Variants in SH3RF1 observed in about 807,000 individuals in gnomAD.
SH3RF1 encodes SH3 domain containing ring finger 1, also known as E3 ubiquitin-protein ligase SH3RF1.
In SH3RF1, 32 loss-of-function variants were observed where a neutral mutation model predicts 74.0. That is an observed-to-expected ratio of 0.43 (90% CI 0.33 to 0.58). The LOEUF (loss-of-function observed/expected upper bound fraction) is 0.58. SH3RF1 is among the 20% of genes least tolerant of loss of function. SH3RF1 has a pLI of 0.05. For synonymous variants in SH3RF1, 396 were observed against 439.6 expected (o/e 0.90, Z 1.24); for missense variants, 954 against 1,130.9 (o/e 0.84, Z 2.24).
intron 2 of SH3RF1, among the ~76,000 whole-genome samples, chr4:169,186,411 T>C (rs1398758680): frequency 6.6e-6 from 1 of 152,058 alleles, no homozygotes; most frequent in Non-Finnish European, 1.5e-5. Context: ...ACTGGTATTA[T>C]TTCTCAGAGA....
chr4:169,127,233 A>T (rs1733543122), intron 6 of SH3RF1, among the ~76,000 whole-genome samples: 1 of 152,240 alleles, frequency 6.6e-6, no homozygotes, highest in African/African-American at 2.4e-5. Flanking sequence ...CAATGTTTAT[A>T]ACTTCGTTCT....
At chr4:169,212,403 C>A (rs1195993611) in intron 2 of SH3RF1, among the ~76,000 whole-genome samples, 1 of 152,086 alleles carries the variant, frequency 6.6e-6, no homozygotes, top group Non-Finnish European at 1.5e-5. Context: ...AATATTTAAT[C>A]AATTACAAAG....
In SH3RF1 at chr4:169,130,090, A is replaced by C; in HGVS notation, c.1135T>G (p.Ser379Ala). ...GGAACATCTGATGGGAAAGTAAACG[A>C]GGGGCCAGTTGTCACTGGGCTGCTT... ...PPSSPVTTGP[S>A]FTFPSDVPYQ... is the part of the protein sequence containing the mutation. The change falls in exon 6 of 12, where the codon TCG becomes GCG. Residue 379 changes from serine to alanine, a missense_variant. By Grantham distance (99) the Ser-to-Ala change is moderately conservative (BLOSUM62 1). Transcript: ENST00000284637. The C allele has an allele frequency of 6.2e-7, 1 of 1,613,560 alleles. No individual in the cohort carries two copies.
chr4:169,231,390 A>G (rs1382535890), intron 2 of SH3RF1, among the ~76,000 whole-genome samples: 1 of 152,042 alleles, frequency 6.6e-6, no homozygotes, highest in Admixed American at 6.6e-5. Flanking sequence ...ATATGGTGAA[A>G]CCCAGTCTCT....
chr4:169,112,636 C>T (rs1204120836), intron 10 of SH3RF1, among the ~76,000 whole-genome samples: 1 of 152,080 alleles, frequency 6.6e-6, no homozygotes, highest in Non-Finnish European at 1.5e-5. Flanking sequence ...AGGGAGCAGC[C>T]TAATGGCTCA....
chr4:169,106,585 T>C (rs149707336), intron 11 of SH3RF1, among the ~76,000 whole-genome samples: 1 of 151,312 alleles, frequency 6.6e-6, no homozygotes, highest in Non-Finnish European at 1.5e-5. Context: ...AGTTTTTACC[T>C]GGACACAATT....
At chr4:169,169,862 G>A (rs766525960) in intron 2 of SH3RF1, among the ~76,000 whole-genome samples, 1 of 151,974 alleles carries the variant, frequency 6.6e-6, no homozygotes, top group Non-Finnish European at 1.5e-5. Context: ...TGAATAGCTC[G>A]GTCCATTGGA....
At chr4:169,111,716 A>G (rs781653723) in intron 10 of SH3RF1, among the ~76,000 whole-genome samples, 4 of 152,246 alleles carry the variant, frequency 2.6e-5, no homozygotes, top group African/African-American at 4.8e-5. Context: ...GTCCAGATAA[A>G]GTTGTTATAC....
At chr4:169,229,558 C>G (rs1015638520) in intron 2 of SH3RF1, among the ~76,000 whole-genome samples, 1 of 151,910 alleles carries the variant, frequency 6.6e-6, no homozygotes, top group Admixed American at 6.6e-5. Context: ...ACAATGCATA[C>G]TAAGTGTTAA....
intron 5 of SH3RF1, among the ~76,000 whole-genome samples, chr4:169,131,489 T>C (rs997099348): frequency 1.3e-5 from 2 of 152,206 alleles, no homozygotes; most frequent in African/African-American, 2.4e-5. Context: ...TTTTCTATTT[T>C]TCCTGTGAAC....
At chr4:169,155,729 T>A (rs1447285998) in intron 3 of SH3RF1, among the ~76,000 whole-genome samples, 154 bp from the exon 4 acceptor site, 1 of 152,236 alleles carries the variant, frequency 6.6e-6, no homozygotes, top group East Asian at 1.9e-4. Flanking sequence ...TTAAATGTTT[T>A]CATGAATTAA....
In SH3RF1 at chr4:169,122,121, C is replaced by T. The variant is rs751242917; in HGVS notation, c.1325G>A (p.Arg442Gln). Residue 442 changes from arginine to glutamine, a missense_variant, in exon 7 of 12, where the codon CGG (arginine) becomes CAG (glutamine). Physicochemically the swap from Arg to Gln is conservative, Grantham distance 43 (BLOSUM62 1). This residue lies in a region of SH3RF1 where 854 missense variants were observed against 962.5 expected (regional missense o/e 0.89). Coordinates refer to ENST00000284637, the MANE Select transcript of SH3RF1 (RefSeq NM_020870.4). Reference protein sequence around the residue: ...AGSTDQIAHLRPQTRPSVYVA... With the variant: ...AGSTDQIAHLQPQTRPSVYVA... Reference sequence around the variant, plus strand: ...TTACACACTGGGGCGAGTCTGCGGCCGTAAATGTGCAATCTGGTCAGTGGA... The same window carrying T: ...TTACACACTGGGGCGAGTCTGCGGCTGTAAATGTGCAATCTGGTCAGTGGA... 4.5e-5 allele frequency: 72 copies of T among 1,612,580 alleles called. No homozygotes were observed. Among genetic ancestry groups the T allele is most frequent in the East Asian group, 6.7e-5 (3 of 44,890 alleles).
At chr4:169,105,280 T>C (rs1208741256) in intron 11 of SH3RF1, among the ~76,000 whole-genome samples, 1 of 152,210 alleles carries the variant, frequency 6.6e-6, no homozygotes, top group African/African-American at 2.4e-5. Flanking sequence ...TATATATTTA[T>C]ATAAGATATA....
Position 169,146,032 on chromosome 4 carries a change from T to G in SH3RF1, c.766-9412A>C, listed in dbSNP as rs539305756. ...TATATTCTATATAAAATATTACATA[T>G]TCTATATATTCTATATAAAATATTA... On this transcript the variant is annotated intron_variant, in intron 4 of 11. Transcript: ENST00000284637. 1.8e-3 allele frequency among the ~76,000 whole-genome samples: 244 copies of G among 136,020 alleles called. 27 individuals carry two copies. The East Asian group carries it at 0.037, about 20-fold the overall frequency. 89.2% of individuals were successfully genotyped at this position (136,020 alleles called of 152,430 possible). A position where few individuals can be genotyped will look rare whatever the true frequency, so the allele number is the denominator to read the frequency against.
Position 169,122,132 on chromosome 4 carries a change from A to T in SH3RF1, c.1314T>A (p.Ile438=), listed in dbSNP as rs1487967455. 2 of 1,613,016 alleles carry T rather than the reference A, an allele frequency of 1.2e-6. No homozygotes were observed. Among genetic ancestry groups the T allele is most frequent in the East Asian group, 4.5e-5 (2 of 44,884 alleles). ...PRPMAGSTDQ[I]AHLRPQTRPS... ...GGCGAGTCTGCGGCCGTAAATGTGCAATCTGGTCAGTGGATCCTGCCATGG... is the reference window on the plus strand; with the variant it reads ...GGCGAGTCTGCGGCCGTAAATGTGCTATCTGGTCAGTGGATCCTGCCATGG... Residue 438 remains isoleucine (I), a synonymous_variant, in exon 7 of 12, where the codon ATT becomes ATA. Transcript: ENST00000284637.
At chr4:169,255,769 T>C (rs1227726540) in intron 2 of SH3RF1, among the ~76,000 whole-genome samples, 1 of 148,274 alleles carries the variant, frequency 6.7e-6, no homozygotes, top group Non-Finnish European at 1.5e-5. Context: ...TAACATTACT[T>C]TTTTTTTTTC....
chr4:169,159,237 T>C (rs990132845), intron 2 of SH3RF1, among the ~76,000 whole-genome samples: 1 of 152,172 alleles, frequency 6.6e-6, no homozygotes, highest in African/African-American at 2.4e-5. Flanking sequence ...GAAAGAAGAA[T>C]TCTAATTTTT....
chr4:169,109,098 C>T (rs1367515024), intron 10 of SH3RF1, among the ~76,000 whole-genome samples: 1 of 152,200 alleles, frequency 6.6e-6, no homozygotes, highest in Non-Finnish European at 1.5e-5. Flanking sequence ...AGATGACATG[C>T]AAAAGAATAA....
intron 2 of SH3RF1, among the ~76,000 whole-genome samples, chr4:169,214,572 A>C (rs1282365825): frequency 6.6e-6 from 1 of 152,132 alleles, no homozygotes; most frequent in Non-Finnish European, 1.5e-5. Flanking sequence ...AATGTGGATT[A>C]TCTCTCATTT....
Sources: gnomAD v4.1 joint callset for allele counts (sites outside exome capture counted in the v4.1 genomes callset) on GRCh38, gnomAD v4.1.1 for gene constraint, gnomAD v4.1.1 regional missense constraint, MANE v1.5 for transcripts, NCBI Gene and HGNC (gene_info 2026-07-23, HGNC 2026-07-21) for gene names.